PARVA: variants seen among roughly 807,000 people sequenced by gnomAD.
The protein encoded by PARVA is parvin alpha.
In PARVA, 25 loss-of-function variants were observed where a neutral mutation model predicts 52.6. The ratio of observed to expected loss-of-function variants is 0.48; its 90% confidence interval spans 0.35 to 0.66. The LOEUF is 0.66. Ranked by LOEUF, PARVA falls within the 30% of genes least tolerant of loss-of-function variation. The pLI is 0.01. For missense variants in PARVA, 373 were observed against 450.9 expected, an observed-to-expected ratio of 0.83 and a Z score of 1.56; for synonymous variants, 185 against 179.1, an observed-to-expected ratio of 1.03 and a Z score of -0.26.
chr11:12,500,243 G>A (rs562305195), intron 5 of PARVA, among the ~76,000 whole-genome samples: 1 of 152,290 alleles, frequency 6.6e-6, no homozygotes, highest in East Asian at 1.9e-4. Flanking sequence ...CAGCCCTAGA[G>A]TGACACTCTT....
intron 1 of PARVA, among the ~76,000 whole-genome samples, chr11:12,422,255 C>T (rs907676814): frequency 2.6e-5 from 4 of 152,070 alleles, no homozygotes; most frequent in South Asian, 4.2e-4. Context: ...AGACAGATTC[C>T]ATTTTACTTC....
At chr11:12,452,030 C>G (rs557964072) in intron 1 of PARVA, among the ~76,000 whole-genome samples, 1 of 151,758 alleles carries the variant, frequency 6.6e-6, no homozygotes, top group Non-Finnish European at 1.5e-5. Flanking sequence ...GGTGAAGTAC[C>G]CCAGATAGTC....
chr11:12,456,645 C>T (rs151329962), intron 1 of PARVA, among the ~76,000 whole-genome samples: 22 of 152,184 alleles, frequency 1.4e-4, no homozygotes, highest in East Asian at 7.7e-4. Context: ...CAAAAATGTT[C>T]CCTGTTCTCA....
intron 1 of PARVA, among the ~76,000 whole-genome samples, chr11:12,399,100 G>A (rs530718245): frequency 2.6e-5 from 4 of 152,218 alleles, no homozygotes; most frequent in South Asian, 2.1e-4. Flanking sequence ...CAAGATTGTC[G>A]GTTCCAAAAT....
intron 1 of PARVA, among the ~76,000 whole-genome samples, chr11:12,388,569 A>G (rs1249533140): frequency 6.6e-6 from 1 of 152,196 alleles, no homozygotes. Context: ...TCCCCATTAT[A>G]AAATTAGCCC....
At chr11:12,415,406 C>G (rs1464993076) in intron 1 of PARVA, among the ~76,000 whole-genome samples, 1 of 152,130 alleles carries the variant, frequency 6.6e-6, no homozygotes, top group East Asian at 1.9e-4. Context: ...ACATACCAAC[C>G]ACTTTGACAA....
chr11:12,526,515 A>G (rs1045666895), intron 12 of PARVA, among the ~76,000 whole-genome samples: 4 of 152,184 alleles, frequency 2.6e-5, no homozygotes, highest in African/African-American at 9.7e-5. Flanking sequence ...TGCATGAAAC[A>G]TAAATGTACA....
intron 12 of PARVA, among the ~76,000 whole-genome samples, chr11:12,523,400 A>T (rs563204409): frequency 1.3e-5 from 2 of 152,238 alleles, no homozygotes; most frequent in East Asian, 3.9e-4. Flanking sequence ...GGGTTCAGAG[A>T]CCGTGGGGGA....
intron 1 of PARVA, among the ~76,000 whole-genome samples, chr11:12,459,524 C>T (rs1940746578): frequency 6.6e-6 from 1 of 152,180 alleles, no homozygotes; most frequent in East Asian, 1.9e-4. Context: ...GCTGGTCTGC[C>T]TGTGAGCACC....
chr11:12,379,592 A>T (rs969156780), intron 1 of PARVA, among the ~76,000 whole-genome samples: 1 of 152,100 alleles, frequency 6.6e-6, no homozygotes, highest in Non-Finnish European at 1.5e-5. Flanking sequence ...TTTTTAATAG[A>T]TTGCTCCATG....
At chr11:12,409,545 AAGAGTC>A (rs1169181980) in intron 1 of PARVA, among the ~76,000 whole-genome samples, 1 of 152,158 alleles carries the variant, frequency 6.6e-6, no homozygotes, top group Non-Finnish European at 1.5e-5. Flanking sequence ...GGACAGAAGA[AAGAGTC>A]AGAAGGAAGT....
At chr11:12,460,172 A>C (rs891360651) in intron 1 of PARVA, among the ~76,000 whole-genome samples, 1 of 152,186 alleles carries the variant, frequency 6.6e-6, no homozygotes, top group African/African-American at 2.4e-5. Context: ...TCCTCTGCCT[A>C]ACCTAATGGA....
intron 1 of PARVA, among the ~76,000 whole-genome samples, chr11:12,472,420 T>C (rs1201956242): frequency 1.3e-5 from 2 of 152,136 alleles, no homozygotes; most frequent in African/African-American, 4.8e-5. Context: ...TCGGTGTCTG[T>C]GAATGTGGAG....
chr11:12,489,855 G>A (rs917172325), intron 4 of PARVA, among the ~76,000 whole-genome samples: 2 of 152,160 alleles, frequency 1.3e-5, no homozygotes, highest in Non-Finnish European at 2.9e-5. Context: ...TTAAAGTGCT[G>A]ACAAAAATGA....
intron 4 of PARVA, among the ~76,000 whole-genome samples, chr11:12,492,744 A>C (rs1941248551): frequency 6.6e-6 from 1 of 152,174 alleles, no homozygotes; most frequent in African/African-American, 2.4e-5. Flanking sequence ...TAGGACTAAT[A>C]AAGGGATTTG....
In PARVA at chr11:12,473,972, G is replaced by T. The variant is rs749224463; in HGVS notation, c.286G>T (p.Glu96Ter). ...CTCACGCAGTGACCCCAAGCTTCAAGAACTGATGAAGGTAAGAAGAAATCA... is the reference window on the plus strand; with the variant it reads ...CTCACGCAGTGACCCCAAGCTTCAATAACTGATGAAGGTAAGAAGAAATCA... ...PNSRSDPKLQ[E>*]LMKVLIDWIN... is the part of the protein sequence containing the mutation. Residue 96 changes from glutamate (E) to a stop codon, truncating the protein, a stop_gained, in exon 3 of 13, where the codon GAA becomes TAA. Coordinates refer to ENST00000334956, the MANE Select transcript of PARVA (RefSeq NM_018222.5). LOFTEE classifies it high-confidence loss of function. 1.9e-6 allele frequency: 3 copies of T among 1,577,054 alleles called. No individual in the cohort carries two copies. Among genetic ancestry groups the T allele is most frequent in the African/African-American group, 1.3e-5 (1 of 74,182 alleles).
intron 1 of PARVA, among the ~76,000 whole-genome samples, chr11:12,440,258 G>A (rs1002938628): frequency 6.6e-6 from 1 of 152,096 alleles, no homozygotes; most frequent in African/African-American, 2.4e-5. Flanking sequence ...TGCTGGCCCC[G>A]TGAGTTCAGT....
chr11:12,465,469 A>G (rs911845393), intron 1 of PARVA, among the ~76,000 whole-genome samples: 5 of 152,236 alleles, frequency 3.3e-5, no homozygotes, highest in Non-Finnish European at 7.3e-5. Context: ...TACTATAAAT[A>G]TCATGTGTCT....
At chr11:12,512,390 T>C (rs1941513071) in intron 8 of PARVA, among the ~76,000 whole-genome samples, 1 of 152,214 alleles carries the variant, frequency 6.6e-6, no homozygotes, top group African/African-American at 2.4e-5. Flanking sequence ...ATCCCCTTCC[T>C]GGTAGTCTCA....
Sources: gnomAD v4.1 joint callset for allele counts (sites outside exome capture counted in the v4.1 genomes callset) on GRCh38, gnomAD v4.1.1 for gene constraint, MANE v1.5 for transcripts, NCBI Gene and HGNC (gene_info 2026-07-23, HGNC 2026-07-21) for gene names.